DLGAP2: variants seen among roughly 807,000 people sequenced by gnomAD.
DLGAP2 encodes the protein DLG associated protein 2, also known as disks large-associated protein 2.
DLGAP2 carries 26 observed loss-of-function variants against 100.3 expected under a neutral mutation model. That is an observed-to-expected ratio of 0.26 (90% CI 0.19 to 0.36). The LOEUF is 0.36. Ranked by LOEUF, DLGAP2 falls within the 10% of genes least tolerant of loss-of-function variation. The probability of loss-of-function intolerance (pLI) is 1.00; values close to 1 mark genes in which losing one functional copy is unlikely to be tolerated. For synonymous variants in DLGAP2, 886 were observed against 630.1 expected (o/e 1.41, Z -6.08); for missense variants, 1,858 against 1,453.2 (o/e 1.28, Z -4.53).
intron 8 of DLGAP2, among the ~76,000 whole-genome samples, chr8:1,659,356 G>T (rs1585039899): frequency 6.6e-6 from 1 of 152,122 alleles, no homozygotes; most frequent in South Asian, 2.1e-4. Context: ...TGTCTATTAG[G>T]TCCACTTGGT....
At chr8:1,596,235 G>T (rs1178093170) in intron 6 of DLGAP2, among the ~76,000 whole-genome samples, 1 of 152,168 alleles carries the variant, frequency 6.6e-6, no homozygotes. Context: ...GTATTCCATG[G>T]TGTATATGTG....
At chr8:1,578,424 G>A (rs997900796) in intron 6 of DLGAP2, among the ~76,000 whole-genome samples, 3 of 152,180 alleles carry the variant, frequency 2.0e-5, no homozygotes, top group Admixed American at 6.5e-5. Context: ...TGACTGTGCC[G>A]TCCCGTGAGA....
chr8:1,500,147 G>C (rs1032663142), intron 3 of DLGAP2, among the ~76,000 whole-genome samples: 2 of 152,246 alleles, frequency 1.3e-5, no homozygotes, highest in Non-Finnish European at 2.9e-5. Context: ...ACGCACATGT[G>C]TCATCATTCT....
chr8:1,334,706 C>T (rs989398126), intron 3 of DLGAP2, among the ~76,000 whole-genome samples: 1 of 152,168 alleles, frequency 6.6e-6, no homozygotes, highest in Non-Finnish European at 1.5e-5. Flanking sequence ...ACCTCCACAG[C>T]AGCCAGGCCG....
At chr8:1,692,543 C>T (rs575157979) in intron 13 of DLGAP2, among the ~76,000 whole-genome samples, 38 of 152,200 alleles carry the variant, frequency 2.5e-4, no homozygotes, top group Non-Finnish European at 3.5e-4. Context: ...TGCAGCAGCG[C>T]GGCGTGACAC....
At chr8:843,213 C>G (rs1294014345) in intron 1 of DLGAP2, among the ~76,000 whole-genome samples, 1 of 152,236 alleles carries the variant, frequency 6.6e-6, no homozygotes, top group South Asian at 2.1e-4. Context: ...CTTCCTAGAG[C>G]TCTCCCTTCT....
intron 2 of DLGAP2, among the ~76,000 whole-genome samples, chr8:1,226,045 G>A (rs545272307): frequency 6.6e-6 from 1 of 151,974 alleles, no homozygotes; most frequent in Admixed American, 6.6e-5. Context: ...ATATGGAAGA[G>A]GAATTGCTGA....
intron 2 of DLGAP2, among the ~76,000 whole-genome samples, chr8:1,179,906 A>C (rs1775266382): frequency 6.6e-6 from 1 of 152,256 alleles, no homozygotes; most frequent in Non-Finnish European, 1.5e-5. Flanking sequence ...TGAAAACAAA[A>C]TAACGAGTAG....
At chr8:1,699,006 G>A (rs1799494513) in intron 14 of DLGAP2, among the ~76,000 whole-genome samples, 1 of 152,184 alleles carries the variant, frequency 6.6e-6, no homozygotes, top group South Asian at 2.1e-4. Context: ...TAACCCATGT[G>A]TGGGACTAGA....
At chr8:1,529,868 C>T (rs1379640898) in intron 4 of DLGAP2, among the ~76,000 whole-genome samples, 1 of 152,116 alleles carries the variant, frequency 6.6e-6, no homozygotes, top group Non-Finnish European at 1.5e-5. Flanking sequence ...TTCCATGATG[C>T]CCCACAAGCC....
intron 6 of DLGAP2, among the ~76,000 whole-genome samples, chr8:1,599,950 C>G (rs1413781588): frequency 6.6e-6 from 1 of 152,270 alleles, no homozygotes; most frequent in Middle Eastern, 3.4e-3. Context: ...TTAATTGATG[C>G]AATTTCTTCA....
intron 2 of DLGAP2, among the ~76,000 whole-genome samples, chr8:1,013,487 C>G (rs888861701): frequency 6.6e-6 from 1 of 152,058 alleles, no homozygotes. Context: ...TTTCCCAGGA[C>G]GGGCAGCATC....
At chr8:1,123,021 A>C (rs1287388764) in intron 2 of DLGAP2, among the ~76,000 whole-genome samples, 2 of 152,202 alleles carry the variant, frequency 1.3e-5, no homozygotes, top group Admixed American at 1.3e-4. Flanking sequence ...CTATGCCTTC[A>C]AATCTTTTAT....
intron 2 of DLGAP2, among the ~76,000 whole-genome samples, chr8:1,152,667 T>C (rs141754084): frequency 6.6e-6 from 1 of 152,218 alleles, no homozygotes; most frequent in Non-Finnish European, 1.5e-5. Context: ...GATGCGAACT[T>C]GGGTTTGGGG....
chr8:1,624,007 A>G lies in DLGAP2; in HGVS notation c.1443-2733A>G, dbSNP rs544466374. The stretch of plus-strand genomic sequence containing the variant: ...ATGGATCCACCTGTGAGGGCTGTCC[A>G]GCAGCCACTGCCAGAGTGATGAGCC... On this transcript the variant is annotated intron_variant, in intron 6 of 14. Coordinates refer to ENST00000637795, the MANE Select transcript of DLGAP2 (RefSeq NM_001346810.2). Among the ~76,000 whole-genome samples the G allele has an allele frequency of 3.2e-4, 49 of 152,356 alleles. 3 individuals are homozygous for G. The South Asian group carries it at 8.9e-3, about 28-fold the overall frequency.
intron 2 of DLGAP2, among the ~76,000 whole-genome samples, chr8:1,126,910 G>T (rs748104418): frequency 1.3e-5 from 2 of 151,760 alleles, no homozygotes; most frequent in Non-Finnish European, 2.9e-5. Flanking sequence ...TCCTCCTGAG[G>T]CAGGGCCCTC....
chr8:1,299,233 T>C (rs1800269770), intron 3 of DLGAP2, among the ~76,000 whole-genome samples: 2 of 152,204 alleles, frequency 1.3e-5, no homozygotes, highest in African/African-American at 4.8e-5. Flanking sequence ...GGCTCCGCCA[T>C]AGATGCCAGT....
chr8:1,518,136 A>G (rs961780118), intron 4 of DLGAP2, among the ~76,000 whole-genome samples: 65 of 152,328 alleles, frequency 4.3e-4, no homozygotes, highest in African/African-American at 1.5e-3. Flanking sequence ...TGTCTAGGTT[A>G]TTGAGTGTTA....
At chr8:1,119,700 A>G (rs1458676167) in intron 2 of DLGAP2, among the ~76,000 whole-genome samples, 1 of 152,216 alleles carries the variant, frequency 6.6e-6, no homozygotes, top group Non-Finnish European at 1.5e-5. Flanking sequence ...GAATTTAAGT[A>G]TCCCCAGGGA....
Sources: gnomAD v4.1 joint callset for allele counts (sites outside exome capture counted in the v4.1 genomes callset) on GRCh38, gnomAD v4.1.1 for gene constraint, MANE v1.5 for transcripts, NCBI Gene and HGNC (gene_info 2026-07-23, HGNC 2026-07-21) for gene names.